NPHS2: variants seen among roughly 807,000 people sequenced by gnomAD.
NPHS2 encodes the protein NPHS2 stomatin family member, podocin, also known as podocin.
Under a neutral mutation model 37.1 loss-of-function variants are expected in NPHS2, and 36 were observed. That is an observed-to-expected ratio of 0.97 (90% CI 0.74 to 1.28). The LOEUF is 1.28. NPHS2 is among the 50% of genes most tolerant of loss of function. The pLI is 0.00. For missense variants in NPHS2, 447 were observed against 488.1 expected (o/e 0.92, Z 0.79); for synonymous variants, 196 against 189.3 (o/e 1.04, Z -0.29).
chr1:179,553,189 A>C (rs956408295), intron 6 of NPHS2, among the ~76,000 whole-genome samples: 2 of 152,238 alleles, frequency 1.3e-5, no homozygotes, highest in African/African-American at 2.4e-5. Context: ...ATATATGGAA[A>C]ACAGGTTAGC....
At chr1:179,554,816 G>A in intron 5 of NPHS2, 1 of 493,350 alleles carries the variant, frequency 2.0e-6, no homozygotes. Context: ...TACCCCAAGA[G>A]GGATTTTGCT....
intron 1 of NPHS2, among the ~76,000 whole-genome samples, chr1:179,568,308 C>G (rs1674414971): frequency 6.6e-6 from 1 of 152,126 alleles, no homozygotes. Flanking sequence ...AGGAATTTAT[C>G]CATTTCTTCT....
chr1:179,555,457 G>A (rs1673877538), intron 5 of NPHS2, among the ~76,000 whole-genome samples: 1 of 152,178 alleles, frequency 6.6e-6, no homozygotes, highest in African/African-American at 2.4e-5. Flanking sequence ...GAGGGGCAGG[G>A]CATGGAGCTC....
At position 179,554,041 on chromosome 1, in the gene NPHS2, T is replaced by C. The variant is rs368383915; in HGVS notation, c.794+435A>G. Among the ~76,000 whole-genome samples the C allele has an allele frequency of 2.0e-5, 3 of 152,094 alleles. No individual in the cohort carries two copies. In the East Asian group the frequency reaches 5.8e-4, roughly 29 times the overall value. ...GATTCTTCTGCCTCAGCCTCCCTGG[T>C]AGCTGGGATTACAGGCATGTGCTAC... On this transcript the variant is annotated intron_variant, in intron 6 of 7. Transcript: ENST00000367615.
intron 4 of NPHS2, among the ~76,000 whole-genome samples, chr1:179,558,779 A>G (rs1223022816): frequency 6.6e-6 from 1 of 152,172 alleles, no homozygotes; most frequent in Non-Finnish European, 1.5e-5. Context: ...AACAGTAGCC[A>G]TGTTAATGAG....
intron 4 of NPHS2, among the ~76,000 whole-genome samples, chr1:179,559,180 T>C (rs952162042): frequency 1.3e-5 from 2 of 152,194 alleles, no homozygotes; most frequent in African/African-American, 4.8e-5. Context: ...GTCAGTCTTT[T>C]TCTTGAGCCC....
rs1673953762 is a variant in NPHS2, at chr1:179,556,999, A to G, written c.738+28T>C. The G allele has an allele frequency of 1.3e-6, 2 of 1,533,892 alleles. No individual in the cohort carries two copies. Among genetic ancestry groups the G allele is most frequent in the Admixed American group, 1.7e-5 (1 of 58,588 alleles). ...ATGAATAAAAGATAAATATTTCAGC[A>G]TATTGGCCATTATGTTTATCTAAGT... On this transcript the variant is annotated intron_variant, in intron 5 of 7. Transcript: ENST00000367615. The surrounding 1 kb of genome is among the most constrained non-coding windows in gnomAD (Gnocchi z 4.1).
In NPHS2 at chr1:179,564,783, G is replaced by C. The variant is rs768405120; in HGVS notation, c.285C>G (p.Ser95=). The change falls in exon 2 of 8, where the codon TCC becomes TCG. Residue 95 remains serine, a synonymous_variant. Transcript: ENST00000367615. Reference sequence around the variant, plus strand: ...GCCACTCACAGGCCCCTAAGCCGGAGGATTTGGTACCTTAAAAAAATTAAA... The same window carrying C: ...GCCACTCACAGGCCCCTAAGCCGGACGATTTGGTACCTTAAAAAAATTAAA... ...ESERPEEGTK[S]SGLGACEWLL... The C allele has an allele frequency of 1.9e-6, 3 of 1,613,708 alleles. No homozygotes were observed. In the East Asian group the frequency reaches 6.7e-5, roughly 36 times the overall value.
rs1269103393 is a variant in NPHS2, at chr1:179,556,778, G to C, written c.738+249C>G. ...ATACTTAATACTAGGTGAGTACTTG[G>C]AGATGAATTTAAAGTCACTGGAGTA... On this transcript the variant is annotated intron_variant, in intron 5 of 7. Transcript: ENST00000367615. The surrounding 1 kb of genome is among the most constrained non-coding windows in gnomAD (Gnocchi z 4.1). 1.3e-5 allele frequency among the ~76,000 whole-genome samples: 2 copies of C among 152,086 alleles called. No homozygotes were observed. The highest frequency in any genetic ancestry group is 2.9e-5 in the Non-Finnish European group (2 of 68,020).
At position 179,575,659 on chromosome 1, in the gene NPHS2, T is replaced by A. The variant is rs752442249; in HGVS notation, c.206A>T (p.Glu69Val). 6 of 1,603,318 alleles carry A rather than the reference T, an allele frequency of 3.7e-6. No individual in the cohort carries two copies. In the South Asian group the frequency reaches 6.6e-5, roughly 18 times the overall value. Reference sequence around the variant, plus strand: ...GCCCTCCTCGCCGGAGCCTCGGACCTCATCCACGTCCACCACCGTGGCGGC... The same window carrying A: ...GCCCTCCTCGCCGGAGCCTCGGACCACATCCACGTCCACCACCGTGGCGGC... ...APAATVVDVD[E>V]VRGSGEEGTE... Residue 69 changes from glutamate to valine, a missense_variant, in exon 1 of 8, where the codon GAG becomes GTG. By Grantham distance (121) the Glu-to-Val change is moderately radical. Transcript: ENST00000367615.
intron 4 of NPHS2, among the ~76,000 whole-genome samples, chr1:179,557,589 A>G (rs1673985867): frequency 1.3e-5 from 2 of 152,214 alleles, no homozygotes; most frequent in Admixed American, 1.3e-4. Context: ...GTTGCTCGCT[A>G]GAGTGTACGT....
chr1:179,568,861 T>C (rs899221504), intron 1 of NPHS2, among the ~76,000 whole-genome samples: 1 of 152,224 alleles, frequency 6.6e-6, no homozygotes, highest in African/African-American at 2.4e-5. Flanking sequence ...TTGTGTGGTT[T>C]TGAGTGAGTT....
In NPHS2 at chr1:179,557,012, T is replaced by C; in HGVS notation, c.738+15A>G. 1 of 1,598,658 alleles carries C rather than the reference T, an allele frequency of 6.3e-7. No homozygotes were observed. The highest frequency in any genetic ancestry group is 8.6e-7 in the Non-Finnish European group (1 of 1,167,320). On this transcript the variant is annotated intron_variant, in intron 5 of 7. Coordinates refer to ENST00000367615, the MANE Select transcript of NPHS2 (RefSeq NM_014625.4). Reference sequence around the variant, plus strand: ...AAATATTTCAGCATATTGGCCATTATGTTTATCTAAGTACCTTTGCATCTT... The same window carrying C: ...AAATATTTCAGCATATTGGCCATTACGTTTATCTAAGTACCTTTGCATCTT...
intron 1 of NPHS2, among the ~76,000 whole-genome samples, chr1:179,569,155 A>G (rs1311279606): frequency 2.0e-5 from 3 of 152,158 alleles, no homozygotes; most frequent in Non-Finnish European, 4.4e-5. Flanking sequence ...GCAGGGTGTT[A>G]AATTTTCCCA....
chr1:179,575,721 G>A lies in NPHS2; in HGVS notation c.144C>T (p.Ser48=), dbSNP rs111306764. The stretch of plus-strand genomic sequence containing the variant: ...GCTCCCCCGGGGTCCCCGCCCGTCC[G>A]GAGCCCGACGGCTCGGGCCCAGCCT... ...RQEAGPEPSG[S]GRAGTPGEPR... is the part of the protein sequence containing the mutation. Residue 48 remains serine (S), a synonymous_variant, in exon 1 of 8, where the codon TCC becomes TCT. Coordinates refer to ENST00000367615, the MANE Select transcript of NPHS2 (RefSeq NM_014625.4). 8.7e-5 allele frequency: 135 copies of A among 1,543,834 alleles called. No individual in the cohort carries two copies. The African/African-American group carries it at 1.2e-3, about 14-fold the overall frequency.
At chr1:179,564,652 C>T in intron 2 of NPHS2, 38 bp downstream of exon 2, 1 of 1,549,628 alleles carries the variant, frequency 6.5e-7, no homozygotes, top group South Asian at 1.1e-5. Context: ...AGTGAGAGGC[C>T]TCAGGAAATT....
intron 1 of NPHS2, among the ~76,000 whole-genome samples, chr1:179,566,203 A>G (rs1323778106): frequency 6.6e-5 from 10 of 152,244 alleles, no homozygotes; most frequent in Non-Finnish European, 1.5e-4. Context: ...AAGCGTTCCT[A>G]TTTCTCCACA....
intron 1 of NPHS2, among the ~76,000 whole-genome samples, chr1:179,573,843 T>G (rs772016605): frequency 6.6e-6 from 1 of 152,234 alleles, no homozygotes; most frequent in Non-Finnish European, 1.5e-5. Flanking sequence ...CCCCAAAATA[T>G]TATTCTGTTA....
At chr1:179,575,300 C>G (rs1265248248) in intron 1 of NPHS2, among the ~76,000 whole-genome samples, 1 of 152,202 alleles carries the variant, frequency 6.6e-6, no homozygotes, top group Non-Finnish European at 1.5e-5. Flanking sequence ...AAGTCCATGG[C>G]TCCTTTGCCA....
Sources: gnomAD v4.1 joint callset for allele counts (sites outside exome capture counted in the v4.1 genomes callset) on GRCh38, gnomAD v4.1.1 for gene constraint, Gnocchi (gnomAD v3.1) non-coding constraint, MANE v1.5 for transcripts, NCBI Gene and HGNC (gene_info 2026-07-23, HGNC 2026-07-21) for gene names.